Variants in DST observed in about 807,000 individuals in gnomAD.
The protein encoded by DST is dystonin, also known as bullous pemphigoid antigen.
Under a neutral mutation model 875.2 loss-of-function variants are expected in DST, and 253 were observed. The observed-to-expected ratio is 0.29, with a 90% CI of 0.26 to 0.32. The LOEUF is 0.32. DST is among the 10% of genes least tolerant of loss of function. The pLI, the probability that DST is intolerant of heterozygous loss-of-function variation, is 1.00. For synonymous variants in DST, 3,124 were observed against 3,197.1 expected (o/e 0.98, Z 0.77); for missense variants, 8,287 against 9,111.6 (o/e 0.91, Z 3.68).
intron 75 of DST, among the ~76,000 whole-genome samples, chr6:56,507,443 G>A (rs1222465093): frequency 6.6e-6 from 1 of 152,186 alleles, no homozygotes; most frequent in Non-Finnish European, 1.5e-5. Context: ...AAAGACAGAG[G>A]CATAAGCAAC....
At position 56,529,481 on chromosome 6, in the gene DST, A is replaced by G; in HGVS notation, c.17562T>C (p.Thr5854=). The change falls in exon 66 of 104, where the codon ACT becomes ACC. Residue 5854 remains threonine, a synonymous_variant. Transcript: ENST00000680361. ...CAGACTGCTGCTTCCATAGCCCCTC[A>G]GTGCTGTAATCCTGGACTGAGAGCT... ...LSKLSVQDYS[T]EGLWKQQSEL... is the part of the protein sequence containing the mutation. 6.4e-7 allele frequency: 1 copy of G among 1,565,552 alleles called. No homozygotes were observed. Among genetic ancestry groups the G allele is most frequent in the Non-Finnish European group, 8.7e-7 (1 of 1,154,670 alleles).
At chr6:56,507,610 C>T (rs945207507) in intron 75 of DST, among the ~76,000 whole-genome samples, 2 of 152,156 alleles carry the variant, frequency 1.3e-5, no homozygotes, top group African/African-American at 4.8e-5. Context: ...GCAGGAAGGA[C>T]ATTCTAGAGT....
intron 4 of DST, among the ~76,000 whole-genome samples, chr6:56,784,048 T>C (rs1294464748): frequency 1.4e-4 from 21 of 152,212 alleles, no homozygotes; most frequent in Admixed American, 1.4e-3. Context: ...TGTTGAATAT[T>C]GGCCCCCACT....
At chr6:56,461,265 T>C (rs915127768) in intron 102 of DST, 1 of 152,242 alleles carries the variant, frequency 6.6e-6, no homozygotes, top group Non-Finnish European at 1.5e-5. Context: ...AGTATCTATA[T>C]GTGATTTGTA....
At chr6:56,781,264 C>A (rs1332799248) in intron 4 of DST, among the ~76,000 whole-genome samples, 3 of 152,136 alleles carry the variant, frequency 2.0e-5, no homozygotes, top group African/African-American at 7.2e-5. Flanking sequence ...TGAAGAAAGT[C>A]ATTGGTAGCT....
At chr6:56,841,805 T>C (rs2099800363) in intron 4 of DST, among the ~76,000 whole-genome samples, 1 of 152,000 alleles carries the variant, frequency 6.6e-6, no homozygotes, top group South Asian at 2.1e-4. Flanking sequence ...AATGGAGTGA[T>C]GCAGGTAAAC....
chr6:56,616,974 T>C (rs745922376), intron 36 of DST: 1 of 1,605,842 alleles, frequency 6.2e-7, no homozygotes, highest in South Asian at 1.1e-5. Flanking sequence ...AAAGCCACCA[T>C]TTTGTCTATT....
chr6:56,935,622 A>T (rs1451655727), intron 2 of DST, among the ~76,000 whole-genome samples: 2 of 152,230 alleles, frequency 1.3e-5, no homozygotes, highest in South Asian at 4.1e-4. Flanking sequence ...AGACAAATGC[A>T]GAAAATATAA....
intron 22 of DST, 47 bp from the exon 23 acceptor site, chr6:56,636,699 GCA>G (rs1262674372): frequency 7.0e-7 from 1 of 1,426,174 alleles, no homozygotes; most frequent in East Asian, 2.3e-5. Flanking sequence ...GAGAAATAAG[GCA>G]CACATACCTT....
intron 36 of DST, among the ~76,000 whole-genome samples, chr6:56,624,083 T>C (rs1219254297): frequency 6.6e-6 from 1 of 152,090 alleles, no homozygotes; most frequent in South Asian, 2.1e-4. Flanking sequence ...TTATGTATAA[T>C]AATTTTAACT....
chr6:56,713,789 T>A (rs1324343027), intron 5 of DST, among the ~76,000 whole-genome samples: 1 of 152,096 alleles, frequency 6.6e-6, no homozygotes, highest in Non-Finnish European at 1.5e-5. Context: ...GACTGGAAAA[T>A]CTAGGGGTCT....
intron 2 of DST, among the ~76,000 whole-genome samples, chr6:56,929,353 T>A (rs1237361945): frequency 6.6e-6 from 1 of 152,164 alleles, no homozygotes; most frequent in African/African-American, 2.4e-5. Context: ...ATTATGTTCA[T>A]GCGTTCAATA....
intron 4 of DST, among the ~76,000 whole-genome samples, chr6:56,848,599 CATAAT>C (rs1179088126): frequency 3.3e-5 from 5 of 152,192 alleles, no homozygotes; most frequent in African/African-American, 1.2e-4. Flanking sequence ...CAGTTTAACA[CATAAT>C]ATATCTAAAT....
chr6:56,558,229 ATG>A (rs2097461337), intron 58 of DST, among the ~76,000 whole-genome samples: 1 of 152,084 alleles, frequency 6.6e-6, no homozygotes, highest in South Asian at 2.1e-4. Context: ...GGCCTTCATC[ATG>A]TGTTTTTTAA....
intron 4 of DST, among the ~76,000 whole-genome samples, chr6:56,793,068 C>CAAAAAAAAAAA (rs61457774): frequency 1.4e-4 from 6 of 42,344 alleles, no homozygotes; most frequent in Non-Finnish European, 2.9e-4. Flanking sequence ...GACCCTGTCT[C>CAAAAAAAAAAA]AAAAAAAAAA....
chr6:56,621,504 T>G (rs1269282728), intron 36 of DST, among the ~76,000 whole-genome samples: 2 of 152,220 alleles, frequency 1.3e-5, no homozygotes, highest in Admixed American at 6.5e-5. Flanking sequence ...TGAATCACTT[T>G]GACAAGCACC....
chr6:56,918,371 C>T (rs1802388440), intron 2 of DST, among the ~76,000 whole-genome samples: 1 of 152,140 alleles, frequency 6.6e-6, no homozygotes, highest in Admixed American at 6.6e-5. Context: ...AAGAGATCCA[C>T]CCACCTCAGC....
chr6:56,726,916 T>A (rs1271880449), intron 5 of DST, among the ~76,000 whole-genome samples: 1 of 152,192 alleles, frequency 6.6e-6, no homozygotes, highest in African/African-American at 2.4e-5. Flanking sequence ...ATAACAGATA[T>A]AACCTGTCCT....
At chr6:56,657,511 T>C (rs2099015489) in intron 10 of DST, among the ~76,000 whole-genome samples, 1 of 152,002 alleles carries the variant, frequency 6.6e-6, no homozygotes, top group Admixed American at 6.5e-5. Context: ...TGGACCACAG[T>C]TTCCTTCCTC....
Sources: allele counts gnomAD v4.1 joint callset (sites outside exome capture counted in the v4.1 genomes callset), GRCh38; gene constraint gnomAD v4.1.1; transcripts MANE v1.5; gene names NCBI Gene and HGNC (gene_info 2026-07-23, HGNC 2026-07-21).